CNKSR2: variants seen among roughly 807,000 people sequenced by gnomAD.
CNKSR2 encodes connector enhancer of kinase suppressor of Ras 2.
In CNKSR2, 14 loss-of-function variants were observed where a neutral mutation model predicts 84.4. The ratio of observed to expected loss-of-function variants is 0.17; its 90% CI spans 0.11 to 0.26. The LOEUF is 0.26. Ranked by LOEUF, CNKSR2 falls within the 10% of genes least tolerant of loss-of-function variation. CNKSR2 has a pLI of 1.00. For missense variants in CNKSR2, 485 were observed against 771.2 expected, an observed-to-expected ratio of 0.63 and a Z score of 4.40; for synonymous variants, 275 against 277.9, an observed-to-expected ratio of 0.99 and a Z score of 0.10.
At chrX:21,438,940 G>A (rs1363560759) in intron 3 of CNKSR2, among the ~76,000 whole-genome samples, 6 of 111,592 alleles carry the variant, frequency 5.4e-5, no homozygotes, top group African/African-American at 2.0e-4. Context: ...GAGCTTTAAA[G>A]TGCATGAGCA....
chrX:21,381,656 T>C (rs2146945800), intron 1 of CNKSR2, among the ~76,000 whole-genome samples: 1 of 112,334 alleles, frequency 8.9e-6, no homozygotes, highest in South Asian at 3.7e-4. Flanking sequence ...CCTATAAGAC[T>C]CTTGAAGGTT....
intron 13 of CNKSR2, among the ~76,000 whole-genome samples, chrX:21,575,367 C>T (rs1252500921): frequency 9.1e-6 from 1 of 110,263 alleles, no homozygotes; most frequent in Non-Finnish European, 1.9e-5. Flanking sequence ...CCTCCTATCC[C>T]CCCATATTCT....
At chrX:21,386,028 A>G (rs2089965352) in intron 1 of CNKSR2, among the ~76,000 whole-genome samples, 1 of 107,670 alleles carries the variant, frequency 9.3e-6, no homozygotes, top group African/African-American at 3.4e-5. Flanking sequence ...CAAAAAAAAA[A>G]AAAAAAAAAA....
chrX:21,541,122 A>G (rs919335092), intron 11 of CNKSR2, among the ~76,000 whole-genome samples: 1 of 109,712 alleles, frequency 9.1e-6, no homozygotes, highest in African/African-American at 3.3e-5. Flanking sequence ...AGGTGGGACT[A>G]CAGATGCACG....
rs181797065 is a variant in CNKSR2, at chrX:21,427,870, G to C, written c.228+1210G>C. On this transcript the variant is annotated intron_variant, in intron 2 of 21. Transcript: ENST00000379510. ...TGAACACTTCTGAGGGATTCAGGAA[G>C]TGTAGGTAAGATATGCATTTGGTCT... The C allele has an allele frequency of 2.7e-5, 3 of 112,110 alleles. No individual in the cohort carries two copies. The Admixed American group carries it at 2.8e-4, about 11-fold the overall frequency. The allele number at this position is 112,110 out of a possible 1,213,427, so 9.2% of individuals were successfully genotyped here.
Position 21,485,042 on chromosome X carries a change from G to A in CNKSR2, c.562-5417G>A, listed in dbSNP as rs920220509. Among the ~76,000 whole-genome samples, 11 of 111,039 alleles carry A rather than the reference G, an allele frequency of 9.9e-5. No homozygotes were observed. The East Asian group carries it at 2.5e-3, about 26-fold the overall frequency. ...ACTAAAAATACAAAAAATTAGCGGGGTGTAGTGGCAGGTGCCTGTAATCCC... is the reference window on the plus strand; with the variant it reads ...ACTAAAAATACAAAAAATTAGCGGGATGTAGTGGCAGGTGCCTGTAATCCC... On this transcript the variant is annotated intron_variant, in intron 5 of 21. Transcript: ENST00000379510.
At chrX:21,419,890 C>T (rs2090471743) in intron 1 of CNKSR2, among the ~76,000 whole-genome samples, 1 of 112,122 alleles carries the variant, frequency 8.9e-6, no homozygotes, top group Admixed American at 9.4e-5. Flanking sequence ...GCTTTAACCC[C>T]TCCCTGGCTA....
chrX:21,612,682 A>T (rs1333720801), intron 20 of CNKSR2, among the ~76,000 whole-genome samples: 1 of 112,195 alleles, frequency 8.9e-6, no homozygotes, highest in Non-Finnish European at 1.9e-5. Context: ...CTTACCTTAT[A>T]TCACAATATA....
chrX:21,447,288 A>G (rs2090868398), intron 4 of CNKSR2, among the ~76,000 whole-genome samples: 1 of 111,496 alleles, frequency 9.0e-6, no homozygotes, highest in South Asian at 3.7e-4. Context: ...TTTAAGTGTA[A>G]TTACTAGGAG....
intron 20 of CNKSR2, among the ~76,000 whole-genome samples, chrX:21,625,876 G>C (rs921511086): frequency 9.0e-6 from 1 of 111,674 alleles, no homozygotes; most frequent in Non-Finnish European, 1.9e-5. Flanking sequence ...TGTTCAGCTT[G>C]TACCCGCAAA....
At chrX:21,605,630 C>A in intron 18 of CNKSR2, among the ~76,000 whole-genome samples, 1 of 111,585 alleles carries the variant, frequency 9.0e-6, no homozygotes, top group Non-Finnish European at 1.9e-5. Context: ...TAGTTCAAAT[C>A]CCAGATCTAT....
At chrX:21,399,872 A>T (rs1364365172) in intron 1 of CNKSR2, among the ~76,000 whole-genome samples, 1 of 111,648 alleles carries the variant, frequency 9.0e-6, no homozygotes. Flanking sequence ...GTATATAATA[A>T]CCTCTTTGAG....
chrX:21,410,814 GTGTT>G (rs1403658716), intron 1 of CNKSR2, among the ~76,000 whole-genome samples: 1 of 109,922 alleles, frequency 9.1e-6, no homozygotes, highest in Non-Finnish European at 1.9e-5. Flanking sequence ...GTGTGTGTGT[GTGTT>G]TGACTCTGTA....
chrX:21,385,225 A>G (rs1601718113), intron 1 of CNKSR2, among the ~76,000 whole-genome samples: 1 of 111,633 alleles, frequency 9.0e-6, no homozygotes, highest in African/African-American at 3.3e-5. Context: ...GTGTGATCTT[A>G]GGGAGAGTTT....
intron 13 of CNKSR2, among the ~76,000 whole-genome samples, chrX:21,577,228 AG>A (rs1372015535): frequency 2.7e-5 from 3 of 111,597 alleles, no homozygotes; most frequent in Non-Finnish European, 3.8e-5. Context: ...GATAAACTGA[AG>A]CCAGCCCTTT....
chrX:21,598,601 T>C (rs760877360), intron 17 of CNKSR2, among the ~76,000 whole-genome samples: 2 of 112,389 alleles, frequency 1.8e-5, no homozygotes, highest in Admixed American at 9.4e-5. Flanking sequence ...AGATTCTAAA[T>C]TCAATATTGT....
At chrX:21,594,194 A>ATT (rs1271097728) in intron 15 of CNKSR2, 2 of 111,933 alleles carry the variant, frequency 1.8e-5, no homozygotes, top group African/African-American at 6.5e-5. Flanking sequence ...GCTGGAGGCT[A>ATT]TTATCCTTTG....
intron 5 of CNKSR2, among the ~76,000 whole-genome samples, chrX:21,482,236 G>C (rs1327139836): frequency 8.0e-5 from 9 of 112,096 alleles, no homozygotes; most frequent in Admixed American, 1.9e-4. Context: ...GTACTATATT[G>C]CCTCCTAACT....
In CNKSR2 at chrX:21,642,007, T is replaced by C. The variant is rs2092693190; in HGVS notation, c.2693-6824T>C. ...AGGAAAAGAGAGGGATCAGCTTCAATAACTAGAAAATTCTGGCTGTTTAAT... is the reference window on the plus strand; with the variant it reads ...AGGAAAAGAGAGGGATCAGCTTCAACAACTAGAAAATTCTGGCTGTTTAAT... On this transcript the variant is annotated intron_variant, in intron 20 of 21. Coordinates refer to ENST00000379510, the MANE Select transcript of CNKSR2 (RefSeq NM_014927.5). 3 of 757,532 alleles carry C rather than the reference T, an allele frequency of 4.0e-6. No homozygotes were observed. The Admixed American group carries it at 2.6e-4, about 65-fold the overall frequency. The allele number at this position is 757,532 out of a possible 1,213,427, so 62.4% of individuals were successfully genotyped here.
Sources: gnomAD v4.1 joint callset for allele counts (sites outside exome capture counted in the v4.1 genomes callset) on GRCh38, gnomAD v4.1.1 for gene constraint, MANE v1.5 for transcripts, NCBI Gene and HGNC (gene_info 2026-07-23, HGNC 2026-07-21) for gene names.